SLC29A4: variants seen among roughly 807,000 people sequenced by gnomAD.
SLC29A4 encodes solute carrier family 29 member 4.
A neutral mutation model predicts 43.9 loss-of-function variants in SLC29A4; 36 were observed. That is an observed-to-expected ratio of 0.82 (90% CI 0.63 to 1.08). The LOEUF (loss-of-function observed/expected upper bound fraction) is 1.08, where lower values mean the gene tolerates loss of function less well. SLC29A4 is among the 50% of genes least tolerant of loss of function. The pLI is 0.00. For synonymous variants in SLC29A4, 491 were observed against 338.0 expected, an observed-to-expected ratio of 1.45 and a Z score of -4.97; for missense variants, 869 against 755.3, an observed-to-expected ratio of 1.15 and a Z score of -1.77.
intron 10 of SLC29A4, among the ~76,000 whole-genome samples, chr7:5,302,427 C>T (rs1415698305): frequency 6.6e-6 from 1 of 152,122 alleles, no homozygotes; most frequent in Non-Finnish European, 1.5e-5. Flanking sequence ...CCTGTGGTCC[C>T]AGGTACTCGG....
At chr7:5,287,045 G>C (rs186622898) in intron 1 of SLC29A4, among the ~76,000 whole-genome samples, 1 of 152,140 alleles carries the variant, frequency 6.6e-6, no homozygotes, top group Non-Finnish European at 1.5e-5. Flanking sequence ...GTTGCTCCCC[G>C]GGACAGCAGT....
chr7:5,302,335 C>T (rs1368791078), intron 10 of SLC29A4, among the ~76,000 whole-genome samples: 2 of 152,272 alleles, frequency 1.3e-5, no homozygotes, highest in East Asian at 3.9e-4. Flanking sequence ...AGGACTATCA[C>T]TTGGGACCAG....
chr7:5,302,058 C>T (rs930109245), intron 10 of SLC29A4, among the ~76,000 whole-genome samples: 1 of 152,176 alleles, frequency 6.6e-6, no homozygotes, highest in African/African-American at 2.4e-5. Context: ...TCAAGCAATT[C>T]TCATGCCTCA....
At chr7:5,300,347 C>T (rs551585332) in intron 9 of SLC29A4, 75 bp from the exon 10 acceptor site, 8 of 1,598,128 alleles carry the variant, frequency 5.0e-6, no homozygotes, top group Non-Finnish European at 6.8e-6. Flanking sequence ...GGGGATGTGG[C>T]TAGAGGCTGT....
chr7:5,305,954 C>G lies in SLC29A4; in HGVS notation c.*3015C>G, dbSNP rs1786463957. The stretch of plus-strand genomic sequence containing the variant: ...ACCTTTGCCGTGGGTTCAAGCGATT[C>G]TCCTGCCTCAGCCTCCCAAGTAGCT... On this transcript the variant is annotated 3_prime_UTR_variant, in exon 11 of 11. Transcript: ENST00000396872. The G allele has an allele frequency of 6.6e-6, 1 of 152,170 alleles. No individual in the cohort carries two copies. The highest frequency in any genetic ancestry group is 2.1e-4 in the South Asian group (1 of 4,830). The allele number at this position is 152,170 out of a possible 1,614,324, so 9.4% of individuals were successfully genotyped here. A position where few individuals can be genotyped will look rare whatever the true frequency, so the allele number is the denominator to read the frequency against.
At position 5,297,070 on chromosome 7, in the gene SLC29A4, G is replaced by A; in HGVS notation, c.754G>A (p.Val252Met). 6.2e-7 allele frequency: 1 copy of A among 1,607,978 alleles called. No homozygotes were observed. Among genetic ancestry groups the A allele is most frequent in the Non-Finnish European group, 8.5e-7 (1 of 1,179,718 alleles). ...ELLCFLLHLL[V>M]RRSRFVLFYT... ...GCTGTGTTTCCTGCTGCACCTGTTA[G>A]TGCGGCGCAGCCGCTTCGTGCTCTT... The change falls in exon 7 of 11, where the codon GTG becomes ATG. Residue 252 changes from valine (V) to methionine (M), a missense_variant. By Grantham distance (21) the Val-to-Met change is conservative. Transcript: ENST00000396872.
chr7:5,300,681 G>C lies in SLC29A4; in HGVS notation c.1450+19G>C. The C allele has an allele frequency of 6.2e-7, 1 of 1,601,170 alleles. No individual in the cohort carries two copies. The highest frequency in any genetic ancestry group is 8.5e-7 in the Non-Finnish European group (1 of 1,177,754). ...CTGGCAGGTGAGGCCCGCGGGACGT[G>C]GGGGTGGGGGCGTCCTCCCAGCAGC... On this transcript the variant is annotated intron_variant, in intron 10 of 10. Coordinates refer to ENST00000396872, the MANE Select transcript of SLC29A4 (RefSeq NM_153247.4).
At position 5,287,868 on chromosome 7, in the gene SLC29A4, C is replaced by T; in HGVS notation, c.52C>T (p.Pro18Ser). 6.2e-7 allele frequency: 1 copy of T among 1,612,008 alleles called. No homozygotes were observed. Among genetic ancestry groups the T allele is most frequent in the Non-Finnish European group, 8.5e-7 (1 of 1,179,846 alleles). ...RLEEPSVAGTPDPGVVMSFTF... is the reference protein window; with the variant it reads ...RLEEPSVAGTSDPGVVMSFTF... ...TGAGGAGCCCAGCGTGGCAGGCACA[C>T]CAGACCCGGGCGTAGTGATGAGCTT... is the stretch of plus-strand genomic sequence containing the variant. The change falls in exon 2 of 11, where the codon CCA (proline) becomes TCA (serine). Residue 18 changes from proline (P) to serine (S), a missense_variant. By Grantham distance (74) the Pro-to-Ser change is moderately conservative (BLOSUM62 -1). Coordinates refer to ENST00000396872, the MANE Select transcript of SLC29A4 (RefSeq NM_153247.4).
chr7:5,288,119 A>G lies in SLC29A4; in HGVS notation c.169+134A>G, dbSNP rs529253619. On this transcript the variant is annotated intron_variant, in intron 2 of 10. Transcript: ENST00000396872. Reference sequence around the variant, plus strand: ...CTGGAGGCAGTGCCTGTCAGTGTGGATTAGATCTGCTGCATAACAAACACG... The same window carrying G: ...CTGGAGGCAGTGCCTGTCAGTGTGGGTTAGATCTGCTGCATAACAAACACG... The G allele has an allele frequency of 2.8e-5, 33 of 1,174,870 alleles. No homozygotes were observed. In the African/African-American group the frequency reaches 4.2e-4, roughly 15 times the overall value. 72.8% of individuals were successfully genotyped at this position (1,174,870 alleles called of 1,614,324 possible). A position where few individuals can be genotyped will look rare whatever the true frequency, so the allele number is the denominator to read the frequency against.
chr7:5,291,180 GTCC>G lies in SLC29A4; in HGVS notation c.363_365del (p.Leu122del). On this transcript the variant is annotated inframe_deletion, in exon 4 of 11. Coordinates refer to ENST00000396872, the MANE Select transcript of SLC29A4 (RefSeq NM_153247.4). ...CTACATCTTGGTGGCACTGGCAGCTGTCCTCCTGAACAACGTCCTGGTGGAGAG... is the reference window on the plus strand; with the variant it reads ...CTACATCTTGGTGGCACTGGCAGCTGTCCTGAACAACGTCCTGGTGGAGAG... The G allele has an allele frequency of 3.7e-6, 6 of 1,613,830 alleles. No homozygotes were observed. The highest frequency in any genetic ancestry group is 2.5e-6 in the Non-Finnish European group (3 of 1,180,024).
In SLC29A4 at chr7:5,300,734, G is replaced by C. The variant is rs567661765; in HGVS notation, c.1450+72G>C. 44 of 1,558,904 alleles carry C rather than the reference G, an allele frequency of 2.8e-5. No homozygotes were observed. In the South Asian group the frequency reaches 4.6e-4, roughly 16 times the overall value. On this transcript the variant is annotated intron_variant, in intron 10 of 10. Transcript: ENST00000396872. ...AATGCCCCCCTCGCGAGGAAACCCAGGCTAGACCGCAGGAAGGTGCATTTG... is the reference window on the plus strand; with the variant it reads ...AATGCCCCCCTCGCGAGGAAACCCACGCTAGACCGCAGGAAGGTGCATTTG...
At chr7:5,292,825 A>G (rs1381999471) in intron 5 of SLC29A4, among the ~76,000 whole-genome samples, 1 of 148,022 alleles carries the variant, frequency 6.8e-6, no homozygotes, top group East Asian at 2.0e-4. Flanking sequence ...CAGCCTCCCA[A>G]GTAACTGGGA....
At position 5,287,794 on chromosome 7, in the gene SLC29A4, C is replaced by T. The variant is rs755748607; in HGVS notation, c.-8-15C>T. Reference sequence around the variant, plus strand: ...CTTCTTCCCTCACCTGCTCTCTCTGCTTTCTCCAAAGCAGAGGCTGCCATG... The same window carrying T: ...CTTCTTCCCTCACCTGCTCTCTCTGTTTTCTCCAAAGCAGAGGCTGCCATG... On this transcript the variant is annotated splice_polypyrimidine_tract_variant and intron_variant, in intron 1 of 10. Transcript: ENST00000396872. 15 of 1,607,132 alleles carry T rather than the reference C, an allele frequency of 9.3e-6. No individual in the cohort carries two copies. Among genetic ancestry groups the T allele is most frequent in the South Asian group, 2.2e-5 (2 of 90,484 alleles).
In SLC29A4 at chr7:5,299,045, G is replaced by A. The variant is rs538880403; in HGVS notation, c.940G>A (p.Glu314Lys). 2.4e-5 allele frequency: 39 copies of A among 1,612,194 alleles called. No individual in the cohort carries two copies. The highest frequency in any genetic ancestry group is 9.3e-5 in the African/African-American group (7 of 75,044). Residue 314 changes from glutamate (E) to lysine (K), a missense_variant, in exon 8 of 11, where the codon GAG (glutamate) becomes AAG (lysine). By Grantham distance (56) the Glu-to-Lys change is moderately conservative. Coordinates refer to ENST00000396872, the MANE Select transcript of SLC29A4 (RefSeq NM_153247.4). The part of the protein sequence containing the change: ...NESPKDSPAH[E>K]VTGSGGAYMR... Reference sequence around the variant, plus strand: ...GTCCCCAAAGGACAGCCCAGCCCACGAGGTGACCGGCAGCGGCGGGGCCTA... The same window carrying A: ...GTCCCCAAAGGACAGCCCAGCCCACAAGGTGACCGGCAGCGGCGGGGCCTA...
chr7:5,286,350 C>G (rs545939459), intron 1 of SLC29A4, among the ~76,000 whole-genome samples: 1 of 152,004 alleles, frequency 6.6e-6, no homozygotes, highest in South Asian at 2.1e-4. Flanking sequence ...TGGTGAAACG[C>G]CATCTCTACT....
rs1056329272 is a variant in SLC29A4, at chr7:5,292,690, C to CTTTTTTTTTTTTT, written c.544+885_544+897dup. On this transcript the variant is annotated intron_variant, in intron 5 of 10. Coordinates refer to ENST00000396872, the MANE Select transcript of SLC29A4 (RefSeq NM_153247.4). ...TTCTACCAGCCAAGACATTTTTTTC[C>CTTTTTTTTTTTTT]TTTTTTTTTTTTTTTTTTTTTTTTT... Among the ~76,000 whole-genome samples the CTTTTTTTTTTTTT allele has an allele frequency of 4.4e-3, 300 of 67,420 alleles. 60 individuals carry two copies. The highest frequency in any genetic ancestry group is 0.019 in the East Asian group (34 of 1,760). The allele number at this position is 67,420 out of a possible 152,430, so 44.2% of individuals were successfully genotyped here.
intron 9 of SLC29A4, among the ~76,000 whole-genome samples, 187 bp downstream of exon 9, chr7:5,299,614 C>T (rs1443196880): frequency 6.6e-6 from 1 of 152,232 alleles, no homozygotes; most frequent in Non-Finnish European, 1.5e-5. Flanking sequence ...CCTGATCCCA[C>T]TGGGGCGCTC....
chr7:5,285,005 C>T (rs1784863256), intron 1 of SLC29A4, among the ~76,000 whole-genome samples: 1 of 152,180 alleles, frequency 6.6e-6, no homozygotes, highest in Non-Finnish European at 1.5e-5. Context: ...GCTGGGCTGG[C>T]ATCCTGAGCA....
At chr7:5,284,508 G>A (rs1042656489) in intron 1 of SLC29A4, among the ~76,000 whole-genome samples, 1 of 152,256 alleles carries the variant, frequency 6.6e-6, no homozygotes, top group African/African-American at 2.4e-5. Flanking sequence ...AAGGGGTCAC[G>A]GCAGCGCAGA....
Sources: gnomAD v4.1 joint callset for allele counts (sites outside exome capture counted in the v4.1 genomes callset) on GRCh38, gnomAD v4.1.1 for gene constraint, MANE v1.5 for transcripts, NCBI Gene and HGNC (gene_info 2026-07-23, HGNC 2026-07-21) for gene names.